Variants in VPS35L observed in about 807,000 individuals in gnomAD.
VPS35L encodes VPS35 endosomal protein-sorting factor-like.
A neutral mutation model predicts 133.0 loss-of-function variants in VPS35L; 83 were observed. That is an observed-to-expected ratio of 0.62 (90% CI 0.52 to 0.75). VPS35L has a LOEUF of 0.75. VPS35L is among the 30% of genes least tolerant of loss of function. VPS35L has a pLI of 0.00. For synonymous variants in VPS35L, 423 were observed against 449.9 expected, an observed-to-expected ratio of 0.94 and a Z score of 0.76; for missense variants, 1,083 against 1,206.8, an observed-to-expected ratio of 0.90 and a Z score of 1.52.
At chr16:19,620,009 G>C (rs986481952) in intron 14 of VPS35L, among the ~76,000 whole-genome samples, 8 of 152,178 alleles carry the variant, frequency 5.3e-5, no homozygotes, top group African/African-American at 1.9e-4. Flanking sequence ...GCAGGCAAGT[G>C]AGAGAGGGAA....
chr16:19,656,263 C>CA (rs34467290), intron 26 of VPS35L, among the ~76,000 whole-genome samples: 2,678 of 80,788 alleles, frequency 0.033, 35 homozygotes, highest in Middle Eastern at 0.067. Flanking sequence ...GACTCTGTCT[C>CA]AAAAAAAAAA....
chr16:19,674,184 C>CTTTTTTTTTTTTTTTTTTTTTTTTTTTT (rs201038834), intron 27 of VPS35L, among the ~76,000 whole-genome samples: 1 of 70,906 alleles, frequency 1.4e-5, no homozygotes, highest in African/African-American at 6.3e-5. Flanking sequence ...TTTTCTTTTT[C>CTTTTTTTTTTTTTTTTTTTTTTTTTTTT]TTTTTTTTTT....
chr16:19,657,128 G>A (rs1414621307), intron 26 of VPS35L, among the ~76,000 whole-genome samples: 4 of 151,874 alleles, frequency 2.6e-5, no homozygotes, highest in African/African-American at 9.7e-5. Context: ...ACCACACCGG[G>A]CTAATTTTTG....
At chr16:19,613,357 A>G (rs553744427) in intron 12 of VPS35L, among the ~76,000 whole-genome samples, 1 of 139,984 alleles carries the variant, frequency 7.1e-6, no homozygotes, top group Non-Finnish European at 1.5e-5. Flanking sequence ...TTCAGTTCCA[A>G]GTGGCAAAAC....
chr16:19,597,879 G>A (rs767706726), intron 8 of VPS35L, among the ~76,000 whole-genome samples: 6 of 152,158 alleles, frequency 3.9e-5, no homozygotes, highest in Non-Finnish European at 8.8e-5. Context: ...TCATTACTCT[G>A]CTCTAAAAGA....
intron 22 of VPS35L, among the ~76,000 whole-genome samples, chr16:19,643,145 C>G (rs1337079616): frequency 6.6e-6 from 1 of 152,138 alleles, no homozygotes; most frequent in Non-Finnish European, 1.5e-5. Context: ...ATTTTAGAAT[C>G]TTCACTTCCA....
intron 13 of VPS35L, 76 bp downstream of exon 13, chr16:19,616,267 TCCAAGTGGAGAATG>T: frequency 7.6e-7 from 1 of 1,308,774 alleles, no homozygotes. Context: ...CAGTTGGTTT[TCCAAGTGGAGAATG>T]CCTTAAAGCT....
chr16:19,678,883 G>A lies in VPS35L; in HGVS notation c.2362-3342G>A, dbSNP rs527473330. On this transcript the variant is annotated intron_variant, in intron 27 of 30. Transcript: ENST00000417362. ...GTTGGAAATAGTCTCCCAGCTCTTC[G>A]GTTGTGAGCAAAAGCTCACGGAAAT... Among the ~76,000 whole-genome samples, 122 of 151,960 alleles carry A rather than the reference G, an allele frequency of 8.0e-4. 1 individual carries two copies. Among genetic ancestry groups the A allele is most frequent in the Admixed American group, 1.6e-3 (25 of 15,250 alleles).
At chr16:19,630,518 T>C (rs1383849432) in intron 18 of VPS35L, among the ~76,000 whole-genome samples, 1 of 151,834 alleles carries the variant, frequency 6.6e-6, no homozygotes, top group African/African-American at 2.4e-5. Flanking sequence ...GTGTTTTTAG[T>C]AGAGACAGGG....
At chr16:19,621,937 T>G (rs2151558973) in intron 14 of VPS35L, among the ~76,000 whole-genome samples, 1 of 152,230 alleles carries the variant, frequency 6.6e-6, no homozygotes, top group South Asian at 2.1e-4. Flanking sequence ...TTTCCAGAAT[T>G]GGTGGGCCAG....
chr16:19,691,497 C>T, intron 29 of VPS35L, 26 bp downstream of exon 29: 1 of 1,563,084 alleles, frequency 6.4e-7, no homozygotes, highest in Non-Finnish European at 8.8e-7. Context: ...TGTCCTCCAC[C>T]CGCCCCTTGC....
At chr16:19,616,088 C>T (rs1383051403) in intron 12 of VPS35L, 26 bp from the exon 13 acceptor site, 1 of 1,591,034 alleles carries the variant, frequency 6.3e-7, no homozygotes, top group Admixed American at 1.7e-5. Context: ...TATTTGCAAC[C>T]AGTTTTTCCA....
chr16:19,658,497 C>T lies in VPS35L; in HGVS notation c.2221+6407C>T, dbSNP rs140175498. Among the ~76,000 whole-genome samples, 8 of 152,164 alleles carry T rather than the reference C, an allele frequency of 5.3e-5. No homozygotes were observed. In the East Asian group the frequency reaches 1.6e-3, roughly 29 times the overall value. On this transcript the variant is annotated intron_variant, in intron 26 of 30. Transcript: ENST00000417362. ...GTGAGCCAAGATCGCACCACTGTCTCCAGCCTGGGCAACAGGGTGAGACCG... is the reference window on the plus strand; with the variant it reads ...GTGAGCCAAGATCGCACCACTGTCTTCAGCCTGGGCAACAGGGTGAGACCG...
At chr16:19,660,440 A>G (rs1349867639) in intron 26 of VPS35L, among the ~76,000 whole-genome samples, 1 of 152,070 alleles carries the variant, frequency 6.6e-6, no homozygotes, top group Non-Finnish European at 1.5e-5. Flanking sequence ...AGTTGGATTG[A>G]TGGATTGATG....
chr16:19,608,680 A>T (rs1972613804), intron 10 of VPS35L: 1 of 421,442 alleles, frequency 2.4e-6, no homozygotes, highest in Admixed American at 3.9e-5. Flanking sequence ...AGTTACCTAA[A>T]GTTCTTTCTT....
chr16:19,604,313 A>C (rs1972479046), intron 9 of VPS35L, among the ~76,000 whole-genome samples: 1 of 152,138 alleles, frequency 6.6e-6, no homozygotes, highest in African/African-American at 2.4e-5. Flanking sequence ...GTGACTATAC[A>C]AACAACATTT....
At chr16:19,622,437 C>A (rs551990003) in intron 14 of VPS35L, among the ~76,000 whole-genome samples, 2 of 151,828 alleles carry the variant, frequency 1.3e-5, no homozygotes, top group Non-Finnish European at 2.9e-5. Flanking sequence ...CCACTGTGCC[C>A]GGCCCCCACG....
chr16:19,581,869 C>T (rs1231315793), intron 7 of VPS35L: 5 of 599,498 alleles, frequency 8.3e-6, no homozygotes, highest in Non-Finnish European at 1.4e-5. Flanking sequence ...ACAGGTTGTG[C>T]ACTGCACAAC....
chr16:19,612,067 T>G lies in VPS35L; in HGVS notation c.1023+1652T>G, dbSNP rs1034536938. On this transcript the variant is annotated intron_variant, in intron 12 of 30. Coordinates refer to ENST00000417362, the MANE Select transcript of VPS35L (RefSeq NM_020314.7). ...AATTCTTCTGCTGCAGCCTCCCGAG[T>G]AGCTGGGACTCCAGGTGTGCGCTAC... Among the ~76,000 whole-genome samples the G allele has an allele frequency of 2.7e-5, 4 of 150,394 alleles. No homozygotes were observed. In the East Asian group the frequency reaches 7.8e-4, roughly 29 times the overall value.
Sources: allele counts gnomAD v4.1 joint callset (sites outside exome capture counted in the v4.1 genomes callset), GRCh38; gene constraint gnomAD v4.1.1; transcripts MANE v1.5; gene names NCBI Gene and HGNC (gene_info 2026-07-23, HGNC 2026-07-21).